Variants in WDR33 observed in about 807,000 individuals in gnomAD.
The protein encoded by WDR33 is pre-mRNA 3' end processing protein WDR33.
In WDR33, 47 loss-of-function variants were observed where a neutral mutation model predicts 164.9. That is an observed-to-expected ratio of 0.29 (90% CI 0.23 to 0.36). WDR33 has a LOEUF of 0.36. Ranked by LOEUF, WDR33 falls within the 10% of genes least tolerant of loss-of-function variation. The pLI is 1.00. For missense variants in WDR33, 1,137 were observed against 1,754.1 expected (o/e 0.65, Z 6.28); for synonymous variants, 505 against 589.0 (o/e 0.86, Z 2.06).
chr2:127,764,124 T>G lies in WDR33; in HGVS notation c.626+704A>C. On this transcript the variant is annotated intron_variant, in intron 6 of 21. Coordinates refer to ENST00000322313, the MANE Select transcript of WDR33 (RefSeq NM_018383.5). The surrounding 1 kb of genome is among the most constrained non-coding windows in gnomAD (Gnocchi z 6.2). Reference sequence around the variant, plus strand: ...GTATTTGGAACTTTTTCCCCCAGTTTTACTATACATACCTCACTGATGTGT... The same window carrying G: ...GTATTTGGAACTTTTTCCCCCAGTTGTACTATACATACCTCACTGATGTGT... 1 of 990,148 alleles carries G rather than the reference T, an allele frequency of 1.0e-6. No homozygotes were observed. Among genetic ancestry groups the G allele is most frequent in the Non-Finnish European group, 1.2e-6 (1 of 833,376 alleles). The allele number at this position is 990,148 out of a possible 1,614,324, so 61.3% of individuals were successfully genotyped here. A position where few individuals can be genotyped will look rare whatever the true frequency, so the allele number is the denominator to read the frequency against.
rs1382784578 is a variant in WDR33, at chr2:127,713,297, T to A, written c.3308+286A>T. On this transcript the variant is annotated intron_variant, in intron 18 of 21. Coordinates refer to ENST00000322313, the MANE Select transcript of WDR33 (RefSeq NM_018383.5). The surrounding 1 kb of genome is among the most constrained non-coding windows in gnomAD (Gnocchi z 6.2). ...AAGAACCTGGAAATTTTAAGTCAGA[T>A]CCCAGCAAGTCTTGTAGTACACTGA... Among the ~76,000 whole-genome samples, 1 of 152,156 alleles carries A rather than the reference T, an allele frequency of 6.6e-6. No individual in the cohort carries two copies. Among genetic ancestry groups the A allele is most frequent in the Non-Finnish European group, 1.5e-5 (1 of 68,022 alleles).
At chr2:127,783,908 C>A (rs1354329825) in intron 1 of WDR33, among the ~76,000 whole-genome samples, 2 of 151,380 alleles carry the variant, frequency 1.3e-5, no homozygotes, top group Non-Finnish European at 3.0e-5. Context: ...ACCTGGCCAG[C>A]ACTTCCTTAT....
intron 1 of WDR33, among the ~76,000 whole-genome samples, chr2:127,790,818 T>A (rs1464729560): frequency 6.6e-6 from 1 of 152,166 alleles, no homozygotes; most frequent in East Asian, 1.9e-4. Flanking sequence ...TCAGGTTACA[T>A]ATTTTTTCTT....
In WDR33 at chr2:127,724,792, T is replaced by A. The variant is rs1009028336; in HGVS notation, c.1085+95A>T. On this transcript the variant is annotated intron_variant, in intron 10 of 21. Coordinates refer to ENST00000322313, the MANE Select transcript of WDR33 (RefSeq NM_018383.5). The surrounding 1 kb of genome is among the most constrained non-coding windows in gnomAD (Gnocchi z 4.8). ...CAAGCAGTCTCTGATATAGGATATA[T>A]GAACACTTAGAAAAGCTACAAAACT... 13 of 1,373,324 alleles carry A rather than the reference T, an allele frequency of 9.5e-6. No individual in the cohort carries two copies. The highest frequency in any genetic ancestry group is 2.3e-5 in the East Asian group (1 of 43,720). 85.1% of individuals were successfully genotyped at this position (1,373,324 alleles called of 1,614,324 possible).
chr2:127,765,159 G>T lies in WDR33; in HGVS notation c.474+15C>A. The T allele has an allele frequency of 6.2e-7, 1 of 1,601,136 alleles. No homozygotes were observed. Among genetic ancestry groups the T allele is most frequent in the South Asian group, 1.1e-5 (1 of 90,478 alleles). ...GTACCACAGGATGATGATACCATCT[G>T]GTGATTATCATTACCTGTAATATTG... is the stretch of plus-strand genomic sequence containing the variant. On this transcript the variant is annotated intron_variant, in intron 5 of 21. Transcript: ENST00000322313.
intron 7 of WDR33, among the ~76,000 whole-genome samples, chr2:127,727,617 G>A (rs1686602846): frequency 6.6e-6 from 1 of 151,986 alleles, no homozygotes; most frequent in African/African-American, 2.4e-5. Flanking sequence ...TAGAGCATTA[G>A]CTCACTTCAC....
rs747283885 is a variant in WDR33 at position 127,764,816 on chromosome 2, T to C, written c.626+12A>G. 3.7e-6 allele frequency: 6 copies of C among 1,614,060 alleles called. No homozygotes were observed. Among genetic ancestry groups the C allele is most frequent in the South Asian group, 3.3e-5 (3 of 91,086 alleles). Reference sequence around the variant, plus strand: ...AATAGGGACTACAGAAAATGGTATATTGTGTATAAACCTGGCCTCTCTAAT... The same window carrying C: ...AATAGGGACTACAGAAAATGGTATACTGTGTATAAACCTGGCCTCTCTAAT... On this transcript the variant is annotated intron_variant, in intron 6 of 21. Transcript: ENST00000322313. The surrounding 1 kb of genome is among the most constrained non-coding windows in gnomAD (Gnocchi z 6.2).
chr2:127,737,571 T>C (rs186141276), intron 7 of WDR33: 3 of 987,714 alleles, frequency 3.0e-6, no homozygotes, highest in Admixed American at 6.1e-5. Flanking sequence ...CCAAGACTAT[T>C]AGAAAGGCCA....
intron 1 of WDR33, among the ~76,000 whole-genome samples, chr2:127,807,166 A>G (rs10190440): frequency 0.021 from 3,225 of 152,218 alleles, 121 homozygotes; most frequent in African/African-American, 0.075. Flanking sequence ...CACCACGCCC[A>G]GCTAATTTTT....
intron 1 of WDR33, among the ~76,000 whole-genome samples, chr2:127,809,515 A>C (rs1341870795): frequency 1.4e-5 from 2 of 140,434 alleles, no homozygotes; most frequent in Non-Finnish European, 3.0e-5. Context: ...GGCTCACTGC[A>C]ACCTCTGCCT....
chr2:127,725,480 T>C (rs960597643), intron 8 of WDR33, among the ~76,000 whole-genome samples: 2 of 152,200 alleles, frequency 1.3e-5, no homozygotes, highest in Non-Finnish European at 1.5e-5. Context: ...CTCACGCCTG[T>C]AATCCCAGCA....
At position 127,738,006 on chromosome 2, in the gene WDR33, C is replaced by G; in HGVS notation, c.725-11229G>C. 6.2e-7 allele frequency: 1 copy of G among 1,612,784 alleles called. No individual in the cohort carries two copies. Among genetic ancestry groups the G allele is most frequent in the South Asian group, 1.1e-5 (1 of 90,806 alleles). ...TAAACTTTGTCCACCTACTGTTATT[C>G]ACCTCTTGACAGAAAGGAAGTAACA... is the stretch of plus-strand genomic sequence containing the variant. On this transcript the variant is annotated intron_variant, in intron 7 of 21. Coordinates refer to ENST00000322313, the MANE Select transcript of WDR33 (RefSeq NM_018383.5). This position sits in a 1 kb window ranked among gnomAD's most constrained non-coding sequence, Gnocchi z 4.4.
In WDR33 at chr2:127,763,428, C is replaced by G; in HGVS notation, c.627-269G>C. 1.7e-6 allele frequency: 2 copies of G among 1,184,192 alleles called. No homozygotes were observed. Among genetic ancestry groups the G allele is most frequent in the Admixed American group, 4.1e-5 (1 of 24,222 alleles). 73.4% of individuals were successfully genotyped at this position (1,184,192 alleles called of 1,614,324 possible). On this transcript the variant is annotated intron_variant, in intron 6 of 21. Coordinates refer to ENST00000322313, the MANE Select transcript of WDR33 (RefSeq NM_018383.5). The surrounding 1 kb of genome is among the most constrained non-coding windows in gnomAD (Gnocchi z 4.5). ...ATTAGTGCTAATGCTATCCATGTTC[C>G]TTCTCTATTTTCTATGATACGAGGA...
chr2:127,794,849 A>AAAGAAAG (rs1553481249), intron 1 of WDR33, among the ~76,000 whole-genome samples: 2 of 142,686 alleles, frequency 1.4e-5, no homozygotes, highest in African/African-American at 2.7e-5. Flanking sequence ...AAAAAAAAAA[A>AAAGAAAG]AAAGAAAGAA....
chr2:127,788,342 G>A (rs1688687628), intron 1 of WDR33, among the ~76,000 whole-genome samples: 3 of 114,074 alleles, frequency 2.6e-5, no homozygotes, highest in South Asian at 3.1e-4. Context: ...GCCGGGCAGA[G>A]GGGCTCCTCA....
At chr2:127,731,428 C>G (rs894713250) in intron 7 of WDR33, among the ~76,000 whole-genome samples, 6 of 151,866 alleles carry the variant, frequency 4.0e-5, no homozygotes, top group Non-Finnish European at 8.8e-5. Context: ...AACTTTTGGG[C>G]AAGGCCATAT....
rs1686452088 is a variant in WDR33 at position 127,721,968 on chromosome 2, A to T, written c.1539T>A (p.Val513=). 2 of 1,612,294 alleles carry T rather than the reference A, an allele frequency of 1.2e-6. No individual in the cohort carries two copies. Among genetic ancestry groups the T allele is most frequent in the South Asian group, 2.2e-5 (2 of 90,686 alleles). The change falls in exon 15 of 22, where the codon GTT becomes GTA. Residue 513 remains valine, a synonymous_variant. Transcript: ENST00000322313. The surrounding 1 kb of genome is among the most constrained non-coding windows in gnomAD (Gnocchi z 4.9). The part of the protein sequence containing the change: ...QFQQAWMQNK[V]PIPAPNEVLN... ...GCACCTCATTTGGAGCAGGAATTGG[A>T]ACTTTATTTTGCATCCAAGCCTTGG...
intron 7 of WDR33, among the ~76,000 whole-genome samples, chr2:127,750,893 G>A (rs1277469250): frequency 6.6e-6 from 1 of 150,756 alleles, no homozygotes; most frequent in Non-Finnish European, 1.5e-5. Flanking sequence ...GTATTTTACA[G>A]TAATTGATTT....
intron 18 of WDR33, among the ~76,000 whole-genome samples, chr2:127,711,444 G>C (rs1028477959): frequency 7.8e-6 from 1 of 128,140 alleles, no homozygotes; most frequent in Admixed American, 7.8e-5. Flanking sequence ...AAAAAAAAAA[G>C]ACAAGGTAAA....
Sources: gnomAD v4.1 joint callset for allele counts (sites outside exome capture counted in the v4.1 genomes callset) on GRCh38, gnomAD v4.1.1 for gene constraint, Gnocchi (gnomAD v3.1) non-coding constraint, MANE v1.5 for transcripts, NCBI Gene and HGNC (gene_info 2026-07-23, HGNC 2026-07-21) for gene names.